The following GPSM2 variants were observed in gnomAD, a reference collection of about 807,000 sequenced individuals.
GPSM2 encodes the protein G protein-signaling modulator 2.
Under a neutral mutation model 78.4 loss-of-function variants are expected in GPSM2, and 58 were observed. That is an observed-to-expected ratio of 0.74 (90% CI 0.60 to 0.92). The LOEUF (loss-of-function observed/expected upper bound fraction) is 0.92. GPSM2 is among the 40% of genes least tolerant of loss of function. The pLI, the probability that GPSM2 is intolerant of heterozygous loss-of-function variation, is 0.00. For missense variants in GPSM2, 700 were observed against 815.5 expected (o/e 0.86, Z 1.73); for synonymous variants, 224 against 280.2 (o/e 0.80, Z 2.00).
chr1:108,922,467 C>T lies in GPSM2; in HGVS notation c.1491C>T (p.Ser497=). 6.2e-7 allele frequency: 1 copy of T among 1,612,220 alleles called. No individual in the cohort carries two copies. The highest frequency in any genetic ancestry group is 8.5e-7 in the Non-Finnish European group (1 of 1,178,404). ...IGDEGFFDLL[S]RFQSNRMDDQ... ...ATGAAGGGTTCTTTGACTTATTAAG[C>T]CGATTTCAAAGCAATAGGATGGATG... is the stretch of plus-strand genomic sequence containing the variant. The change falls in exon 13 of 15, where the codon AGC becomes AGT. Residue 497 remains serine, a synonymous_variant. Transcript: ENST00000264126.
chr1:108,909,782 A>AGT (rs1457755426), intron 10 of GPSM2: 3 of 151,896 alleles, frequency 2.0e-5, no homozygotes, highest in Non-Finnish European at 2.9e-5. Flanking sequence ...ATGCACCTGT[A>AGT]GTCCCAGTTA....
In GPSM2 at chr1:108,930,187, C is replaced by CTT; in HGVS notation, c.*248_*249dup. Reference sequence around the variant, plus strand: ...CTGCTTGGGATGTGTTCTTTGGCAGCTTGTGAGATTACTTTACCTAGTGTT... The same window carrying CTT: ...CTGCTTGGGATGTGTTCTTTGGCAGCTTTTGTGAGATTACTTTACCTAGTGTT... On this transcript the variant is annotated 3_prime_UTR_variant, in exon 15 of 15. Transcript: ENST00000264126. 2.2e-6 allele frequency: 1 copy of CTT among 449,548 alleles called. No homozygotes were observed. Among genetic ancestry groups the CTT allele is most frequent in the Non-Finnish European group, 3.9e-6 (1 of 253,844 alleles). 27.8% of individuals were successfully genotyped at this position (449,548 alleles called of 1,614,324 possible).
Position 108,900,255 on chromosome 1 carries a change from T to A in GPSM2, c.797+1261T>A, listed in dbSNP as rs962974884. On this transcript the variant is annotated intron_variant, in intron 7 of 14. Coordinates refer to ENST00000264126, the MANE Select transcript of GPSM2 (RefSeq NM_013296.5). ...TAGATTTTTTTTTTTTTTTTTTTTT[T>A]AAATACGGAGTTTTGCTCTTGTCGC... Among the ~76,000 whole-genome samples the A allele has an allele frequency of 3.5e-4, 53 of 150,068 alleles. No individual in the cohort carries two copies. In the Middle Eastern group the frequency reaches 0.01, roughly 29 times the overall value.
At position 108,924,184 on chromosome 1, in the gene GPSM2, AGATTTC is replaced by A; in HGVS notation, c.1786_1791del (p.Asp596_Phe597del). ...CTAATGACAACAAAGAGGCTGATGAAGATTTCTTTGACATCCTTGTAAAATGTCAAG... is the reference window on the plus strand; with the variant it reads ...CTAATGACAACAAAGAGGCTGATGAATTTGACATCCTTGTAAAATGTCAAG... On this transcript the variant is annotated inframe_deletion, in exon 14 of 15. Transcript: ENST00000264126. The A allele has an allele frequency of 6.2e-7, 1 of 1,613,154 alleles. No individual in the cohort carries two copies. The highest frequency in any genetic ancestry group is 8.5e-7 in the Non-Finnish European group (1 of 1,179,142).
chr1:108,886,426 T>G (rs1647553371), intron 2 of GPSM2, among the ~76,000 whole-genome samples: 1 of 152,232 alleles, frequency 6.6e-6, no homozygotes, highest in Non-Finnish European at 1.5e-5. Flanking sequence ...CCTAATTTAC[T>G]CCAGAAAGCA....
chr1:108,912,879 T>C (rs970562509), intron 10 of GPSM2, among the ~76,000 whole-genome samples: 1 of 104,130 alleles, frequency 9.6e-6, no homozygotes, highest in Non-Finnish European at 1.7e-5. Flanking sequence ...ACCCTGTCTC[T>C]ACTTTAAAAA....
Position 108,903,182 on chromosome 1 carries a change from A to G in GPSM2, c.1010A>G (p.Asn337Ser). 6.2e-7 allele frequency: 1 copy of G among 1,612,018 alleles called. No individual in the cohort carries two copies. The highest frequency in any genetic ancestry group is 1.1e-5 in the South Asian group (1 of 91,030). ...GGAAATGCATACACAGCACTAGGAA[A>G]TCATGATCAAGCAATGCATTTTGCT... ...SLGNAYTALG[N>S]HDQAMHFAEK... The change falls in exon 9 of 15, where the codon AAT becomes AGT. Residue 337 changes from asparagine to serine, a missense_variant. Coordinates refer to ENST00000264126, the MANE Select transcript of GPSM2 (RefSeq NM_013296.5).
intron 10 of GPSM2, among the ~76,000 whole-genome samples, chr1:108,905,118 T>C (rs902675626): frequency 5.3e-5 from 8 of 152,204 alleles, no homozygotes; most frequent in African/African-American, 1.9e-4. Context: ...GAACATTTAG[T>C]GAAAAGTTCT....
intron 13 of GPSM2, among the ~76,000 whole-genome samples, chr1:108,923,510 A>G (rs1242106115): frequency 2.0e-5 from 3 of 152,156 alleles, no homozygotes; most frequent in African/African-American, 4.8e-5. Context: ...AAGGACTAAA[A>G]TAGGTTACTT....
intron 1 of GPSM2, among the ~76,000 whole-genome samples, chr1:108,878,230 G>C (rs1665727071): frequency 6.6e-6 from 1 of 152,184 alleles, no homozygotes; most frequent in African/African-American, 2.4e-5. Context: ...AAAAAGGGTA[G>C]ATCACTGTTG....
chr1:108,914,196 T>C (rs1649994913), intron 10 of GPSM2, 142 bp from the exon 11 acceptor site: 7 of 620,974 alleles, frequency 1.1e-5, no homozygotes, highest in East Asian at 1.1e-4. Flanking sequence ...ATTATTATTC[T>C]TGGAAGAATA....
rs1209872502 is a variant in GPSM2 at position 108,929,757 on chromosome 1, G to A, written c.1872G>A (p.Pro624=). The A allele has an allele frequency of 5.6e-6, 9 of 1,612,966 alleles. No homozygotes were observed. Among genetic ancestry groups the A allele is most frequent in the African/African-American group, 2.7e-5 (2 of 74,886 alleles). ...CACCACCTGCTACCACAAAGGGTCC[G>A]ACAGTACCAGATGAAGACTTTTTCA... ...CAPPPATTKG[P]TVPDEDFFSL... The change falls in exon 15 of 15, where the codon CCG becomes CCA. Residue 624 remains proline (P), a synonymous_variant. Coordinates refer to ENST00000264126, the MANE Select transcript of GPSM2 (RefSeq NM_013296.5).
chr1:108,906,556 C>CT (rs34000394), intron 10 of GPSM2, among the ~76,000 whole-genome samples: 1,876 of 132,010 alleles, frequency 0.014, 11 homozygotes, highest in African/African-American at 0.017. Flanking sequence ...AGCCAGAGTG[C>CT]TTTTTTTTTT....
chr1:108,923,933 G>C, intron 13 of GPSM2, 67 bp from the exon 14 acceptor site: 1 of 1,139,188 alleles, frequency 8.8e-7, no homozygotes. Context: ...TAATAAATGT[G>C]CCTAGGTTTT....
At position 108,901,957 on chromosome 1, in the gene GPSM2, G is replaced by A. The variant is rs377727537; in HGVS notation, c.953+12G>A. 3.6e-5 allele frequency: 57 copies of A among 1,587,484 alleles called. No individual in the cohort carries two copies. The highest frequency in any genetic ancestry group is 4.4e-5 in the South Asian group (4 of 90,476). The stretch of plus-strand genomic sequence containing the variant: ...GAGCTGAATGATAGGTATGTTTTAC[G>A]TCTTTTTACCATAACTAAGGTAAAA... On this transcript the variant is annotated intron_variant, in intron 8 of 14. Transcript: ENST00000264126.
chr1:108,915,677 T>G (rs201474566), intron 11 of GPSM2, among the ~76,000 whole-genome samples: 3 of 151,832 alleles, frequency 2.0e-5, no homozygotes, highest in Non-Finnish European at 4.4e-5. Flanking sequence ...CGCCCACCTC[T>G]GCCTCCCAAA....
In GPSM2 at chr1:108,883,965, G is replaced by A. The variant is rs78984792; in HGVS notation, c.-248-1310G>A. On this transcript the variant is annotated intron_variant, in intron 1 of 14. Transcript: ENST00000264126. ...TGCACTGTGTCGCCTGGGCTGGAGC[G>A]CAGTGGCATAATCTTGGCTCACTGC... Among the ~76,000 whole-genome samples the A allele has an allele frequency of 1.7e-3, 266 of 152,208 alleles. 1 individual carries two copies. Among genetic ancestry groups the A allele is most frequent in the African/African-American group, 6.0e-3 (247 of 41,510 alleles).
At chr1:108,890,318 A>G (rs1647883018) in intron 2 of GPSM2, among the ~76,000 whole-genome samples, 1 of 152,242 alleles carries the variant, frequency 6.6e-6, no homozygotes, top group South Asian at 2.1e-4. Context: ...TAAGATGTTT[A>G]TCTGTCTTGC....
intron 5 of GPSM2, 148 bp downstream of exon 5, chr1:108,898,249 T>TAC (rs1366675143): frequency 6.1e-5 from 48 of 786,732 alleles, no homozygotes; most frequent in Non-Finnish European, 9.4e-5. Context: ...GCTTAAATGT[T>TAC]ACAGTGTTAT....
Sources: allele counts gnomAD v4.1 joint callset (sites outside exome capture counted in the v4.1 genomes callset), GRCh38; gene constraint gnomAD v4.1.1; transcripts MANE v1.5; gene names NCBI Gene and HGNC (gene_info 2026-07-23, HGNC 2026-07-21).